Variants in RNF150 observed in about 807,000 individuals in gnomAD.
The protein encoded by RNF150 is ring finger protein 150.
RNF150 carries 24 observed loss-of-function variants against 39.3 expected under a neutral mutation model. The ratio of observed to expected loss-of-function variants is 0.61; its 90% CI spans 0.44 to 0.86. The LOEUF is 0.86. RNF150 is among the 40% of genes least tolerant of loss of function. The pLI is 0.00. For missense variants in RNF150, 502 were observed against 587.8 expected (o/e 0.85, Z 1.51); for synonymous variants, 255 against 227.3 (o/e 1.12, Z -1.10).
At chr4:141,079,588 G>C (rs959234836) in intron 1 of RNF150, among the ~76,000 whole-genome samples, 3 of 152,204 alleles carry the variant, frequency 2.0e-5, no homozygotes, top group African/African-American at 7.2e-5. Flanking sequence ...CTGTAAAACT[G>C]TGAGCAGCTG....
chr4:141,124,080 G>A (rs1295567310), intron 1 of RNF150, among the ~76,000 whole-genome samples: 1 of 152,200 alleles, frequency 6.6e-6, no homozygotes, highest in Admixed American at 6.5e-5. Context: ...TGAATACCCC[G>A]AAGGAAAAAT....
chr4:140,949,527 T>C (rs2111376715), intron 2 of RNF150, among the ~76,000 whole-genome samples, 155 bp from the exon 3 acceptor site: 1 of 152,314 alleles, frequency 6.6e-6, no homozygotes, highest in Middle Eastern at 3.4e-3. Flanking sequence ...GGCAGTGGCA[T>C]TTGTGCAAGG....
intron 1 of RNF150, among the ~76,000 whole-genome samples, chr4:141,158,539 A>G (rs541587960): frequency 2.6e-5 from 4 of 152,234 alleles, no homozygotes; most frequent in Admixed American, 2.0e-4. Context: ...ACATTTACTG[A>G]TTTCCCAAGG....
At chr4:140,916,516 A>G (rs1349578253) in intron 5 of RNF150, among the ~76,000 whole-genome samples, 1 of 152,196 alleles carries the variant, frequency 6.6e-6, no homozygotes, top group Non-Finnish European at 1.5e-5. Context: ...GAAATGAACA[A>G]AGCCTCCAAG....
intron 5 of RNF150, among the ~76,000 whole-genome samples, chr4:140,913,026 C>G (rs1178189637): frequency 6.6e-6 from 1 of 150,946 alleles, no homozygotes; most frequent in Non-Finnish European, 1.5e-5. Flanking sequence ...GTAATCCCAG[C>G]ACTTTGGGAG....
chr4:141,086,189 G>A (rs1056614369), intron 1 of RNF150, among the ~76,000 whole-genome samples: 1 of 152,036 alleles, frequency 6.6e-6, no homozygotes, highest in Non-Finnish European at 1.5e-5. Context: ...CATAAAATTA[G>A]TAAATATGTT....
intron 1 of RNF150, among the ~76,000 whole-genome samples, chr4:141,099,074 AT>A (rs1317903775): frequency 6.6e-6 from 1 of 152,112 alleles, no homozygotes; most frequent in African/African-American, 2.4e-5. Context: ...TGCCACTCTT[AT>A]ATAGTTATAC....
intron 1 of RNF150, among the ~76,000 whole-genome samples, chr4:141,118,766 T>G (rs140854836): frequency 5.5e-4 from 83 of 152,080 alleles, no homozygotes; most frequent in Middle Eastern, 3.4e-3. Flanking sequence ...GAGTGAGTGA[T>G]TGATTGATTT....
intron 6 of RNF150, among the ~76,000 whole-genome samples, chr4:140,879,663 T>C (rs1244184121): frequency 1.4e-5 from 2 of 146,604 alleles, no homozygotes; most frequent in Non-Finnish European, 3.0e-5. Context: ...TCTCTACAGA[T>C]GAAAAAAAAC....
intron 1 of RNF150, among the ~76,000 whole-genome samples, chr4:141,175,670 C>G (rs1727797262): frequency 6.6e-6 from 1 of 152,186 alleles, no homozygotes; most frequent in Non-Finnish European, 1.5e-5. Context: ...AACATCGGAT[C>G]TATTACTGAA....
intron 1 of RNF150, among the ~76,000 whole-genome samples, chr4:141,050,056 A>C (rs920284574): frequency 2.6e-5 from 4 of 152,086 alleles, no homozygotes. Flanking sequence ...GTAATAACAA[A>C]ATATGAAATA....
intron 4 of RNF150, among the ~76,000 whole-genome samples, chr4:140,932,141 T>C (rs988284607): frequency 6.6e-6 from 1 of 152,212 alleles, no homozygotes; most frequent in Non-Finnish European, 1.5e-5. Context: ...CTCACTCAGG[T>C]ACCTGAGAAT....
chr4:141,158,413 G>A (rs1318518161), intron 1 of RNF150, among the ~76,000 whole-genome samples: 4 of 151,516 alleles, frequency 2.6e-5, no homozygotes, highest in African/African-American at 4.9e-5. Flanking sequence ...TGACCAGTTG[G>A]CCACTGGAGG....
intron 1 of RNF150, among the ~76,000 whole-genome samples, chr4:141,184,784 T>G (rs1051653414): frequency 6.6e-6 from 1 of 152,156 alleles, no homozygotes; most frequent in Non-Finnish European, 1.5e-5. Flanking sequence ...TGCTTCTTTT[T>G]GTCATGTTTG....
chr4:140,896,155 A>G (rs1729933917), intron 6 of RNF150, among the ~76,000 whole-genome samples: 1 of 71,254 alleles, frequency 1.4e-5, no homozygotes, highest in Admixed American at 1.7e-4. Flanking sequence ...TAGAACTAGA[A>G]ATACCATTTG....
At chr4:141,076,430 G>A (rs950442036) in intron 1 of RNF150, among the ~76,000 whole-genome samples, 2 of 152,104 alleles carry the variant, frequency 1.3e-5, no homozygotes, top group Admixed American at 6.6e-5. Context: ...CAGGCCACAG[G>A]TTCTGAAGCA....
chr4:140,866,847 A>T lies in RNF150; in HGVS notation c.*1414T>A, dbSNP rs998462151. 6.6e-6 allele frequency: 1 copy of T among 152,214 alleles called. No individual in the cohort carries two copies. Among genetic ancestry groups the T allele is most frequent in the Non-Finnish European group, 1.5e-5 (1 of 68,038 alleles). 9.4% of individuals were successfully genotyped at this position (152,214 alleles called of 1,614,324 possible). ...TGACCTTAGTCATCTCTGTATCTGG[A>T]TAGTCTGAATATATTACAAAATTGC... On this transcript the variant is annotated 3_prime_UTR_variant, in exon 7 of 7. Coordinates refer to ENST00000515673, the MANE Select transcript of RNF150 (RefSeq NM_020724.2).
rs1365083298 is a variant in RNF150, at chr4:140,866,317, C to T, written c.*1944G>A. 6.6e-6 allele frequency: 1 copy of T among 152,166 alleles called. No homozygotes were observed. Among genetic ancestry groups the T allele is most frequent in the Non-Finnish European group, 1.5e-5 (1 of 68,036 alleles). The allele number at this position is 152,166 out of a possible 1,614,324, so 9.4% of individuals were successfully genotyped here. On this transcript the variant is annotated 3_prime_UTR_variant, in exon 7 of 7. Transcript: ENST00000515673. ...ATCTGTGGTCCCACAGCCAGAGGAG[C>T]TTGGGGACTCATGTTATTAAACCCT...
At chr4:140,893,541 T>A (rs1041609639) in intron 6 of RNF150, among the ~76,000 whole-genome samples, 1 of 152,198 alleles carries the variant, frequency 6.6e-6, no homozygotes, top group Non-Finnish European at 1.5e-5. Flanking sequence ...GGGACAGGAA[T>A]CTCATTCCTG....
Sources: gnomAD v4.1 joint callset for allele counts (sites outside exome capture counted in the v4.1 genomes callset) on GRCh38, gnomAD v4.1.1 for gene constraint, MANE v1.5 for transcripts, NCBI Gene and HGNC (gene_info 2026-07-23, HGNC 2026-07-21) for gene names.